The following RNF130 variants were observed in gnomAD, a reference collection of about 807,000 sequenced individuals.
The protein encoded by RNF130 is ring finger protein 130.
Under a neutral mutation model 44.6 loss-of-function variants are expected in RNF130, and 21 were observed. The ratio of observed to expected loss-of-function variants is 0.47; its 90% CI spans 0.33 to 0.68. The LOEUF (loss-of-function observed/expected upper bound fraction) is 0.68, where lower values mean the gene tolerates loss of function less well. Ranked by LOEUF, RNF130 falls within the 30% of genes least tolerant of loss-of-function variation. The probability of loss-of-function intolerance (pLI) is 0.02; values close to 1 mark genes in which losing one functional copy is unlikely to be tolerated. For missense variants in RNF130, 479 were observed against 560.6 expected (o/e 0.85, Z 1.47); for synonymous variants, 214 against 210.4 (o/e 1.02, Z -0.15).
chr5:180,003,328 G>A (rs1037718493), intron 3 of RNF130, among the ~76,000 whole-genome samples: 2 of 152,198 alleles, frequency 1.3e-5, no homozygotes, highest in East Asian at 1.9e-4. Flanking sequence ...CAGAGAGCAG[G>A]TGCTGGTGGA....
chr5:180,000,226 C>A (rs1763301516), intron 3 of RNF130, among the ~76,000 whole-genome samples: 1 of 152,198 alleles, frequency 6.6e-6, no homozygotes, highest in African/African-American at 2.4e-5. Flanking sequence ...TTAATTCTAT[C>A]ATTCCATTCT....
chr5:179,977,599 T>A lies in RNF130; in HGVS notation c.848+604A>T, dbSNP rs1026120339. Reference sequence around the variant, plus strand: ...CGGGTGCGGTGGCTCACGCCTGTAATCCCAGGACTTTGGGAGGCTGAGGCA... The same window carrying A: ...CGGGTGCGGTGGCTCACGCCTGTAAACCCAGGACTTTGGGAGGCTGAGGCA... On this transcript the variant is annotated intron_variant, in intron 5 of 8. Transcript: ENST00000521389. The surrounding 1 kb of genome is among the most constrained non-coding windows in gnomAD (Gnocchi z 4.1). Among the ~76,000 whole-genome samples the A allele has an allele frequency of 2.0e-5, 3 of 152,184 alleles. No individual in the cohort carries two copies. Among genetic ancestry groups the A allele is most frequent in the African/African-American group, 7.2e-5 (3 of 41,444 alleles).
At chr5:180,023,675 G>A (rs1763923739) in intron 2 of RNF130, among the ~76,000 whole-genome samples, 1 of 152,180 alleles carries the variant, frequency 6.6e-6, no homozygotes, top group Non-Finnish European at 1.5e-5. Flanking sequence ...ATAATCCAGA[G>A]TGTAAAATAA....
chr5:180,054,099 C>T (rs1212384649), intron 1 of RNF130, among the ~76,000 whole-genome samples: 1 of 152,094 alleles, frequency 6.6e-6, no homozygotes, highest in Non-Finnish European at 1.5e-5. Context: ...CAGGTGTGAG[C>T]CCCTGCGCCC....
chr5:179,996,712 G>C (rs1269472058), intron 3 of RNF130, among the ~76,000 whole-genome samples: 4 of 152,210 alleles, frequency 2.6e-5, no homozygotes, highest in South Asian at 2.1e-4. Flanking sequence ...GATTCAGTTT[G>C]CTAGTATTTC....
At chr5:179,960,229 TGAGAAGCCA>T (rs1255517725) in intron 8 of RNF130, among the ~76,000 whole-genome samples, 3 of 152,214 alleles carry the variant, frequency 2.0e-5, no homozygotes, top group African/African-American at 7.2e-5. Flanking sequence ...AACCGAGGTG[TGAGAAGCCA>T]ATATGTAAAT....
intron 2 of RNF130, among the ~76,000 whole-genome samples, chr5:180,026,010 C>T (rs1047182001): frequency 9.9e-5 from 15 of 151,526 alleles, no homozygotes; most frequent in Non-Finnish European, 2.1e-4. Flanking sequence ...CAAAGTGTGA[C>T]ATTTTTCTAT....
exon 8 of RNF130, chr5:179,912,399 C>T (rs1013783232): frequency 2.6e-5 from 4 of 152,316 alleles, no homozygotes; most frequent in Admixed American, 2.0e-4. Context: ...TCACACGGGA[C>T]AAGTTTTCTT....
chr5:179,918,357 G>A (rs1392148182), exon 8 of RNF130: 1 of 152,164 alleles, frequency 6.6e-6, no homozygotes, highest in Admixed American at 6.5e-5. Context: ...TGTCTTGAGT[G>A]GAATTTAACG....
rs1359804278 is a variant in RNF130, at chr5:180,071,746, G to T, written c.-44C>A. ...CGCTGCTCGCGGACCGGGCTCCGGG[G>T]CCGGCGCCTAGAGGCGGGGCGGGCG... On this transcript the variant is annotated 5_prime_UTR_variant, in exon 1 of 9. Coordinates refer to ENST00000521389, the MANE Select transcript of RNF130 (RefSeq NM_018434.6). 1 of 1,145,146 alleles carries T rather than the reference G, an allele frequency of 8.7e-7. No homozygotes were observed. The highest frequency in any genetic ancestry group is 3.6e-4 in the Middle Eastern group (1 of 2,798). 70.9% of individuals were successfully genotyped at this position (1,145,146 alleles called of 1,614,324 possible). A position where few individuals can be genotyped will look rare whatever the true frequency, so the allele number is the denominator to read the frequency against.
exon 8 of RNF130, chr5:179,915,968 C>T (rs1320591821): frequency 6.6e-6 from 1 of 152,148 alleles, no homozygotes; most frequent in Non-Finnish European, 1.5e-5. Context: ...ACAGATTCAC[C>T]CCAACTTCAA....
intron 7 of RNF130, among the ~76,000 whole-genome samples, chr5:179,947,080 C>A (rs1350358897): frequency 6.6e-6 from 1 of 152,150 alleles, no homozygotes; most frequent in Non-Finnish European, 1.5e-5. Context: ...TGAATGAATT[C>A]TTCACGGAAG....
At position 180,071,715 on chromosome 5, in the gene RNF130, A is replaced by G; in HGVS notation, c.-13T>C. On this transcript the variant is annotated 5_prime_UTR_variant, in exon 1 of 9. Coordinates refer to ENST00000521389, the MANE Select transcript of RNF130 (RefSeq NM_018434.6). ...CCGCGCAGCTCATCGTCCCTCCGGC[A>G]GCCGCCGCTGCTCGCGGACCGGGCT... The G allele has an allele frequency of 7.9e-7, 1 of 1,258,404 alleles. No individual in the cohort carries two copies. 78.0% of individuals were successfully genotyped at this position (1,258,404 alleles called of 1,614,324 possible). A position where few individuals can be genotyped will look rare whatever the true frequency, so the allele number is the denominator to read the frequency against.
At chr5:179,968,245 A>T (rs1762494769) in intron 6 of RNF130, among the ~76,000 whole-genome samples, 2 of 152,128 alleles carry the variant, frequency 1.3e-5, no homozygotes, top group South Asian at 4.1e-4. Flanking sequence ...CGGTGAGCCG[A>T]GATCGCACCA....
chr5:179,969,871 A>G (rs1236745535), intron 6 of RNF130, among the ~76,000 whole-genome samples: 1 of 152,064 alleles, frequency 6.6e-6, no homozygotes, highest in Non-Finnish European at 1.5e-5. Flanking sequence ...GGCACCTGCA[A>G]TCCCAGCTAC....
chr5:179,959,411 A>G (rs1762276743), intron 8 of RNF130, among the ~76,000 whole-genome samples: 1 of 152,128 alleles, frequency 6.6e-6, no homozygotes, highest in Non-Finnish European at 1.5e-5. Flanking sequence ...GTGGATCACA[A>G]GGTCAGGAGT....
chr5:180,004,434 T>C (rs1439429789), intron 3 of RNF130, among the ~76,000 whole-genome samples: 1 of 152,250 alleles, frequency 6.6e-6, no homozygotes, highest in Non-Finnish European at 1.5e-5. Flanking sequence ...TGAGGAGATC[T>C]GTCTGAAGTT....
In RNF130 at chr5:180,048,342, T is replaced by C. The variant is rs138965838; in HGVS notation, c.248-7695A>G. Reference sequence around the variant, plus strand: ...TCTAATTTGTCTGTTTCCAGGTTGCTCTGCCCTGCTTCTAGGCTAGAGGAT... The same window carrying C: ...TCTAATTTGTCTGTTTCCAGGTTGCCCTGCCCTGCTTCTAGGCTAGAGGAT... On this transcript the variant is annotated intron_variant, in intron 1 of 8. Coordinates refer to ENST00000521389, the MANE Select transcript of RNF130 (RefSeq NM_018434.6). Among the ~76,000 whole-genome samples, 149 of 152,328 alleles carry C rather than the reference T, an allele frequency of 9.8e-4. 1 individual carries two copies. The highest frequency in any genetic ancestry group is 2.0e-3 in the Admixed American group (31 of 15,304).
At chr5:180,018,000 A>G (rs1373643674) in intron 2 of RNF130, among the ~76,000 whole-genome samples, 1 of 152,192 alleles carries the variant, frequency 6.6e-6, no homozygotes, top group Non-Finnish European at 1.5e-5. Flanking sequence ...GGTAATTGAG[A>G]AAGAAGAGGT....
Sources: allele counts gnomAD v4.1 joint callset (sites outside exome capture counted in the v4.1 genomes callset), GRCh38; gene constraint gnomAD v4.1.1; non-coding constraint Gnocchi (gnomAD v3.1); transcripts MANE v1.5; gene names NCBI Gene and HGNC (gene_info 2026-07-23, HGNC 2026-07-21).